The following RAB31 variants were observed in gnomAD, a reference collection of about 807,000 sequenced individuals.
RAB31 encodes the protein RAB31, member RAS oncogene family, also known as ras-related protein Rab-31.
A neutral mutation model predicts 25.6 loss-of-function variants in RAB31; 21 were observed. The observed-to-expected ratio is 0.82, with a 90% CI of 0.58 to 1.18. RAB31 has a LOEUF of 1.18. RAB31 is among the 50% of genes most tolerant of loss of function. The probability of loss-of-function intolerance (pLI) is 0.00; values close to 1 mark genes in which losing one functional copy is unlikely to be tolerated. For synonymous variants in RAB31, 87 were observed against 84.0 expected (o/e 1.04, Z -0.20); for missense variants, 196 against 250.1 (o/e 0.78, Z 1.46).
intron 3 of RAB31, among the ~76,000 whole-genome samples, chr18:9,813,450 A>G (rs2068585219): frequency 6.6e-6 from 1 of 152,250 alleles, no homozygotes; most frequent in Non-Finnish European, 1.5e-5. Context: ...ACAAGATGGT[A>G]ACATTTAAAA....
intron 1 of RAB31, among the ~76,000 whole-genome samples, chr18:9,711,034 C>T (rs558842041): frequency 2.0e-5 from 3 of 152,108 alleles, no homozygotes; most frequent in East Asian, 3.9e-4. Flanking sequence ...CACATCCCCT[C>T]GTTTGGCTGG....
Position 9,859,589 on chromosome 18 carries a change from TAAAAAA to T in RAB31, c.*274_*279del. The T allele has an allele frequency of 4.8e-6, 1 of 207,382 alleles. No individual in the cohort carries two copies. Among genetic ancestry groups the T allele is most frequent in the Non-Finnish European group, 9.2e-6 (1 of 108,176 alleles). The allele number at this position is 207,382 out of a possible 1,614,324, so 12.8% of individuals were successfully genotyped here. A position where few individuals can be genotyped will look rare whatever the true frequency, so the allele number is the denominator to read the frequency against. On this transcript the variant is annotated 3_prime_UTR_variant, in exon 7 of 7. Transcript: ENST00000578921. ...GGAGGGGATGTAGTTGCATTTTTGC[TAAAAAA>T]AAAAAAAAACCTTTAAAAATTGTTG... is the stretch of plus-strand genomic sequence containing the variant.
At chr18:9,814,138 C>G (rs1568186332) in intron 4 of RAB31, 47 bp downstream of exon 4, 2 of 1,402,210 alleles carry the variant, frequency 1.4e-6, no homozygotes, top group Non-Finnish European at 2.0e-6. Context: ...TGGTGGTTCT[C>G]TCACTTAGAG....
intron 5 of RAB31, among the ~76,000 whole-genome samples, chr18:9,835,290 G>A (rs1568191994): frequency 2.0e-5 from 3 of 152,018 alleles, no homozygotes; most frequent in Non-Finnish European, 1.5e-5. Flanking sequence ...GAGAGAAAAC[G>A]GCAGCTGGTA....
intron 3 of RAB31, among the ~76,000 whole-genome samples, chr18:9,801,736 A>G (rs1212057344): frequency 6.6e-6 from 1 of 152,156 alleles, no homozygotes; most frequent in Non-Finnish European, 1.5e-5. Flanking sequence ...CCATATACTC[A>G]CCAACACTTG....
At chr18:9,711,692 G>GT (rs1226640055) in intron 1 of RAB31, among the ~76,000 whole-genome samples, 2 of 152,202 alleles carry the variant, frequency 1.3e-5, no homozygotes, top group African/African-American at 4.8e-5. Flanking sequence ...TCAGCTTCCT[G>GT]TTTTTTAGCC....
At position 9,860,605 on chromosome 18, in the gene RAB31, A is replaced by C. The variant is rs1482570889; in HGVS notation, c.*1280A>C. 1 of 152,174 alleles carries C rather than the reference A, an allele frequency of 6.6e-6. No individual in the cohort carries two copies. The highest frequency in any genetic ancestry group is 1.9e-4 in the East Asian group (1 of 5,164). The allele number at this position is 152,174 out of a possible 1,614,324, so 9.4% of individuals were successfully genotyped here. A position where few individuals can be genotyped will look rare whatever the true frequency, so the allele number is the denominator to read the frequency against. On this transcript the variant is annotated 3_prime_UTR_variant, in exon 7 of 7. Transcript: ENST00000578921. ...TATTACCATTCTAACTTTCATAAAAAGTTGGGATCAAGAAGCAGCTGATTT... is the reference window on the plus strand; with the variant it reads ...TATTACCATTCTAACTTTCATAAAACGTTGGGATCAAGAAGCAGCTGATTT...
At chr18:9,784,177 C>G (rs2068420034) in intron 2 of RAB31, among the ~76,000 whole-genome samples, 1 of 151,046 alleles carries the variant, frequency 6.6e-6, no homozygotes. Context: ...GCTGGGACTA[C>G]ATGCAAAAGC....
intron 6 of RAB31, among the ~76,000 whole-genome samples, chr18:9,858,859 A>G (rs895001463): frequency 6.6e-6 from 1 of 152,202 alleles, no homozygotes; most frequent in Non-Finnish European, 1.5e-5. Flanking sequence ...GCCGCTCATT[A>G]AACCAGGATG....
At chr18:9,857,686 T>TAGATAGATAGATGATA (rs1555693032) in intron 6 of RAB31, among the ~76,000 whole-genome samples, 33 of 114,174 alleles carry the variant, frequency 2.9e-4, no homozygotes, top group East Asian at 5.1e-4. Flanking sequence ...GATAGATAGA[T>TAGATAGATAGATGATA]GATAGATAGA....
chr18:9,812,889 G>C (rs184785309), intron 3 of RAB31, among the ~76,000 whole-genome samples: 1 of 151,642 alleles, frequency 6.6e-6, no homozygotes, highest in Non-Finnish European at 1.5e-5. Flanking sequence ...GTTGAGACGG[G>C]TTTCACCATA....
chr18:9,786,158 GAAAGA>G (rs1448093084), intron 2 of RAB31, among the ~76,000 whole-genome samples: 1 of 132,036 alleles, frequency 7.6e-6, no homozygotes, highest in African/African-American at 2.6e-5. Context: ...AAGAAAGAAG[GAAAGA>G]AAAGAAAAGG....
intron 1 of RAB31, among the ~76,000 whole-genome samples, chr18:9,754,986 A>G (rs2068253812): frequency 6.6e-6 from 1 of 152,170 alleles, no homozygotes; most frequent in African/African-American, 2.4e-5. Context: ...GAGTAGGTAC[A>G]GTATGGAGGT....
intron 2 of RAB31, chr18:9,785,249 A>G: frequency 6.4e-6 from 1 of 155,090 alleles, no homozygotes; most frequent in Non-Finnish European, 1.4e-5. Context: ...CCATGGCAGG[A>G]AATTCTCTTC....
chr18:9,770,561 T>A (rs2068339169), intron 1 of RAB31, among the ~76,000 whole-genome samples: 1 of 152,344 alleles, frequency 6.6e-6, no homozygotes, highest in East Asian at 1.9e-4. Context: ...AGGAAGTAGA[T>A]GGAACCAATT....
chr18:9,774,957 T>C (rs1421953153), intron 1 of RAB31: 12 of 524,738 alleles, frequency 2.3e-5, no homozygotes, highest in Non-Finnish European at 4.1e-5. Context: ...ACTTCTTCTC[T>C]AGAGCCCTCC....
intron 2 of RAB31, among the ~76,000 whole-genome samples, chr18:9,791,771 A>T (rs1052396164): frequency 6.6e-5 from 10 of 151,902 alleles, no homozygotes; most frequent in African/African-American, 2.4e-4. Context: ...GGCCTGGCTA[A>T]TTTTTTGTAT....
intron 1 of RAB31, among the ~76,000 whole-genome samples, chr18:9,727,531 G>A (rs2068101417): frequency 1.3e-5 from 2 of 152,136 alleles, no homozygotes; most frequent in African/African-American, 4.8e-5. Flanking sequence ...GTCGAGGCTG[G>A]TCTCGAACTC....
At chr18:9,797,530 A>G (rs1198426408) in intron 3 of RAB31, 1 of 152,244 alleles carries the variant, frequency 6.6e-6, no homozygotes, top group African/African-American at 2.4e-5. Flanking sequence ...AGACAGAGAC[A>G]TTAAGTAACT....
Sources: allele counts gnomAD v4.1 joint callset (sites outside exome capture counted in the v4.1 genomes callset), GRCh38; gene constraint gnomAD v4.1.1; transcripts MANE v1.5; gene names NCBI Gene and HGNC (gene_info 2026-07-23, HGNC 2026-07-21).